MILR1: variants seen among roughly 807,000 people sequenced by gnomAD.
MILR1 encodes the protein allergin-1.
MILR1 carries 31 observed loss-of-function variants against 18.5 expected under a neutral mutation model. The ratio of observed to expected loss-of-function variants is 1.68; its 90% CI spans 1.26 to 2.26. The LOEUF (loss-of-function observed/expected upper bound fraction) is 2.26, where lower values mean the gene tolerates loss of function less well. Among genes scored for constraint, MILR1 ranks in the 30% most tolerant of loss-of-function variants. The probability of loss-of-function intolerance (pLI) is 0.00; values close to 1 mark genes in which losing one functional copy is unlikely to be tolerated. For missense variants in MILR1, 257 were observed against 157.4 expected, an observed-to-expected ratio of 1.63 and a Z score of -3.38; for synonymous variants, 85 against 56.2, an observed-to-expected ratio of 1.51 and a Z score of -2.30.
chr17:64,462,854 G>C (rs907824880), intron 5 of MILR1, among the ~76,000 whole-genome samples: 2 of 151,948 alleles, frequency 1.3e-5, no homozygotes, highest in Non-Finnish European at 2.9e-5. Flanking sequence ...TTGAACTCCT[G>C]ACCTCAGGTG....
chr17:64,454,748 C>A (rs1410786621), intron 3 of MILR1, among the ~76,000 whole-genome samples: 1 of 152,270 alleles, frequency 6.6e-6, no homozygotes, highest in East Asian at 1.9e-4. Flanking sequence ...AATCCCAGCA[C>A]TTTGTGAGGC....
At chr17:64,492,423 C>A in the MILR1 span, among the ~76,000 whole-genome samples, 1 of 152,152 alleles carries the variant, frequency 6.6e-6, no homozygotes, top group Non-Finnish European at 1.5e-5. Context: ...TAGGTGAGGG[C>A]TTTGAATTTT....
chr17:64,459,439 A>AAAAAAGAAAAAG (rs56987856), intron 4 of MILR1, among the ~76,000 whole-genome samples: 20 of 151,402 alleles, frequency 1.3e-4, no homozygotes, highest in African/African-American at 2.9e-4. Context: ...TGTCTCAAAG[A>AAAAAAGAAAAAG]AAAAAGAAAA....
intron 5 of MILR1, among the ~76,000 whole-genome samples, chr17:64,462,697 G>A (rs2037459855): frequency 6.6e-6 from 1 of 150,876 alleles, no homozygotes; most frequent in Admixed American, 6.6e-5. Context: ...CTGGAGTGCA[G>A]TGGTGCAATC....
chr17:64,496,975 C>T, the MILR1 span: 5 of 1,602,948 alleles, frequency 3.1e-6, no homozygotes, highest in Non-Finnish European at 4.2e-6. Flanking sequence ...GCATCTCTCT[C>T]CGAAGTTAAA....
the MILR1 span, among the ~76,000 whole-genome samples, chr17:64,474,097 T>C: frequency 6.6e-6 from 1 of 152,134 alleles, no homozygotes; most frequent in Admixed American, 6.6e-5. Context: ...ATTTTGGAGA[T>C]GGAGTCTCAC....
intron 2 of MILR1, among the ~76,000 whole-genome samples, chr17:64,451,931 C>CAA (rs1268220197): frequency 7.6e-5 from 9 of 118,554 alleles, no homozygotes; most frequent in Non-Finnish European, 7.2e-5. Flanking sequence ...GACTCTGTCT[C>CAA]AAAAAAAAAA....
the MILR1 span, chr17:64,492,678 A>T: frequency 6.2e-7 from 1 of 1,600,876 alleles, no homozygotes; most frequent in Non-Finnish European, 8.6e-7. Flanking sequence ...TTTCTCCACC[A>T]CTGGAGTCGA....
rs373678883 is a variant in MILR1, at chr17:64,466,475, C to A, written c.887C>A (p.Pro296Gln). Residue 296 changes from proline to glutamine, a missense_variant, in exon 7 of 10, where the codon CCG (proline) becomes CAG (glutamine). Physicochemically the swap from Pro to Gln is moderately conservative, Grantham distance 76. Transcript: ENST00000619286. ...TCTGTGCCAGAAGTGGGATCCAGGC[C>A]GTGTGTTTCCACAGCCCAAGATGGT... ...EESVPEVGSR[P>Q]CVSTAQDEAK... The A allele has an allele frequency of 1.9e-6, 3 of 1,613,622 alleles. No homozygotes were observed. The African/African-American group carries it at 4.0e-5, about 22-fold the overall frequency.
the MILR1 span, chr17:64,490,816 C>G: frequency 1.2e-6 from 2 of 1,612,676 alleles, no homozygotes; most frequent in Non-Finnish European, 1.7e-6. Flanking sequence ...GACACATTGC[C>G]AGGATACATG....
chr17:64,471,082 C>G (rs1291309388), downstream of MILR1, among the ~76,000 whole-genome samples: 2 of 152,078 alleles, frequency 1.3e-5, no homozygotes, highest in African/African-American at 4.8e-5. Context: ...TTCCCTGAGG[C>G]TGCTTTCTAG....
chr17:64,462,551 C>A (rs1165917568), intron 5 of MILR1, among the ~76,000 whole-genome samples: 3 of 151,818 alleles, frequency 2.0e-5, no homozygotes, highest in Non-Finnish European at 2.9e-5. Flanking sequence ...AAAAGGTTTA[C>A]AATTGTTTGG....
At chr17:64,471,594 C>T (rs1437553152), downstream of MILR1, among the ~76,000 whole-genome samples, 1 of 152,194 alleles carries the variant, frequency 6.6e-6, no homozygotes, top group Non-Finnish European at 1.5e-5. Context: ...GGATATGACA[C>T]AGGACACAGA....
the MILR1 span, chr17:64,496,341 A>G: frequency 9.5e-7 from 1 of 1,051,072 alleles, no homozygotes. Context: ...AATCCCCAAG[A>G]TCCAGCAAGA....
At chr17:64,474,307 T>C in the MILR1 span, among the ~76,000 whole-genome samples, 2 of 152,120 alleles carry the variant, frequency 1.3e-5, no homozygotes, top group Non-Finnish European at 2.9e-5. Flanking sequence ...ACTCTTGACC[T>C]CAAATGATCC....
chr17:64,463,879 A>G (rs2037487017), intron 5 of MILR1, among the ~76,000 whole-genome samples: 3 of 137,760 alleles, frequency 2.2e-5, no homozygotes, highest in South Asian at 4.4e-4. Flanking sequence ...GCTGGAGTGC[A>G]GTGGCACAAT....
At chr17:64,451,585 A>G (rs2037171080) in intron 2 of MILR1, among the ~76,000 whole-genome samples, 2 of 152,170 alleles carry the variant, frequency 1.3e-5, no homozygotes, top group African/African-American at 4.8e-5. Flanking sequence ...CCTAGATAAA[A>G]AAAACTTAGG....
chr17:64,476,506 C>T, the MILR1 span, among the ~76,000 whole-genome samples: 181 of 151,684 alleles, frequency 1.2e-3, 1 homozygote, highest in African/African-American at 3.9e-3. Flanking sequence ...ATAGTGAGAC[C>T]CTGTCTCTTA....
chr17:64,485,450 T>G, the MILR1 span: 12 of 407,916 alleles, frequency 2.9e-5, no homozygotes, highest in Non-Finnish European at 5.4e-5. Context: ...AAGCCCACAG[T>G]GGAAAGGTTC....
Sources: gnomAD v4.1 joint callset for allele counts (sites outside exome capture counted in the v4.1 genomes callset) on GRCh38, gnomAD v4.1.1 for gene constraint, MANE v1.5 for transcripts, NCBI Gene and HGNC (gene_info 2026-07-23, HGNC 2026-07-21) for gene names.